Variants in CPLANE1 observed in about 807,000 individuals in gnomAD.
CPLANE1 encodes ciliogenesis and planar polarity effector complex subunit 1, also known as ciliogenesis and planar polarity effector 1.
In CPLANE1, 263 loss-of-function variants were observed where a neutral mutation model predicts 362.5. The ratio of observed to expected loss-of-function variants is 0.73; its 90% CI spans 0.66 to 0.80. The LOEUF (loss-of-function observed/expected upper bound fraction) is 0.80. Among genes scored for constraint, CPLANE1 ranks in the 30% least tolerant of loss-of-function variants. The probability of loss-of-function intolerance (pLI) is 0.00; values close to 1 mark genes in which losing one functional copy is unlikely to be tolerated. For synonymous variants in CPLANE1, 1,212 were observed against 1,302.6 expected (o/e 0.93, Z 1.50); for missense variants, 3,461 against 3,793.4 (o/e 0.91, Z 2.30).
At chr5:37,188,331 C>T (rs912038844) in intron 21 of CPLANE1, among the ~76,000 whole-genome samples, 1 of 152,194 alleles carries the variant, frequency 6.6e-6, no homozygotes, top group African/African-American at 2.4e-5. Context: ...CACTCTTCTG[C>T]TAATCTTAAA....
Position 37,143,936 on chromosome 5 carries a change from GAA to G in CPLANE1, c.8462-1458_8462-1457del, listed in dbSNP as rs10715136. Among the ~76,000 whole-genome samples the G allele has an allele frequency of 8.7e-4, 110 of 125,986 alleles. 2 individuals are homozygous for G. The highest frequency in any genetic ancestry group is 1.3e-3 in the Admixed American group (16 of 12,346). The allele number at this position is 125,986 out of a possible 152,430, so 82.7% of individuals were successfully genotyped here. On this transcript the variant is annotated intron_variant, in intron 43 of 52. Transcript: ENST00000651892. ...GACAACAAGAGCAAAACTCTGTCTC[GAA>G]AAAAAAAAAAAAAAGATATAAGGAA...
chr5:37,098,326 G>A, the CPLANE1 span, among the ~76,000 whole-genome samples: 4 of 144,628 alleles, frequency 2.8e-5, no homozygotes, highest in African/African-American at 1.1e-4. Context: ...GGGAGGCGGA[G>A]GTTGCAGTGA....
At chr5:37,095,376 C>T in the CPLANE1 span, among the ~76,000 whole-genome samples, 38 of 152,164 alleles carry the variant, frequency 2.5e-4, no homozygotes, top group African/African-American at 9.1e-4. Flanking sequence ...TTCGACAAAA[C>T]CCAGCATCAC....
At chr5:37,086,104 G>T in the CPLANE1 span, among the ~76,000 whole-genome samples, 1 of 152,076 alleles carries the variant, frequency 6.6e-6, no homozygotes, top group Admixed American at 6.6e-5. Context: ...CAATAATAGT[G>T]GGGGACTTCA....
chr5:37,151,131 C>T (rs753539588), intron 42 of CPLANE1, among the ~76,000 whole-genome samples: 4 of 152,174 alleles, frequency 2.6e-5, no homozygotes, highest in African/African-American at 4.8e-5. Flanking sequence ...CCTCTCCTAC[C>T]TCTACTGCCA....
At chr5:37,117,029 C>T (rs1192282033) in intron 50 of CPLANE1, among the ~76,000 whole-genome samples, 1 of 152,142 alleles carries the variant, frequency 6.6e-6, no homozygotes, top group Non-Finnish European at 1.5e-5. Flanking sequence ...GTTAGAATAT[C>T]CACAAGCACT....
chr5:37,099,229 T>A, the CPLANE1 span, among the ~76,000 whole-genome samples: 2 of 152,304 alleles, frequency 1.3e-5, no homozygotes, highest in African/African-American at 4.8e-5. Context: ...GATCATCCCA[T>A]CACCTAGATA....
chr5:37,205,095 T>G, intron 18 of CPLANE1: 1 of 264,442 alleles, frequency 3.8e-6, no homozygotes, highest in African/African-American at 2.2e-5. Flanking sequence ...AGGTAGAGTT[T>G]GCAGTGAGCT....
the CPLANE1 span, among the ~76,000 whole-genome samples, chr5:37,092,009 A>G: frequency 6.6e-6 from 1 of 152,174 alleles, no homozygotes; most frequent in Non-Finnish European, 1.5e-5. Flanking sequence ...GTTCCTTGCT[A>G]TGCTCTCTGT....
At chr5:37,139,885 C>A (rs1769142545) in intron 44 of CPLANE1, 13 of 985,570 alleles carry the variant, frequency 1.3e-5, no homozygotes, top group African/African-American at 1.7e-5. Flanking sequence ...CCTGAGTACT[C>A]AGTGTAATAT....
intron 16 of CPLANE1, chr5:37,210,035 T>C (rs1247298425): frequency 4.9e-6 from 4 of 809,914 alleles, no homozygotes; most frequent in South Asian, 1.5e-5. Flanking sequence ...TTTTTAAAGA[T>C]ACCGAAATAG....
chr5:37,201,499 T>G, intron 19 of CPLANE1, 92 bp downstream of exon 19: 1 of 1,075,372 alleles, frequency 9.3e-7, no homozygotes, highest in African/African-American at 1.6e-5. Flanking sequence ...GAGCTTGAAT[T>G]TTTAACCTGA....
intron 32 of CPLANE1, among the ~76,000 whole-genome samples, chr5:37,172,443 T>C (rs1409465959): frequency 6.6e-6 from 1 of 152,184 alleles, no homozygotes; most frequent in African/African-American, 2.4e-5. Flanking sequence ...TAATCTTTTG[T>C]GTGCATCAGA....
chr5:37,209,634 CT>C lies in CPLANE1; in HGVS notation c.2921-3210del. 2 of 1,430,680 alleles carry C rather than the reference CT, an allele frequency of 1.4e-6. No individual in the cohort carries two copies. Among genetic ancestry groups the C allele is most frequent in the African/African-American group, 1.4e-5 (1 of 71,274 alleles). The allele number at this position is 1,430,680 out of a possible 1,614,324, so 88.6% of individuals were successfully genotyped here. A position where few individuals can be genotyped will look rare whatever the true frequency, so the allele number is the denominator to read the frequency against. On this transcript the variant is annotated intron_variant, in intron 16 of 52. Transcript: ENST00000651892. This position sits in a 1 kb window ranked among gnomAD's most constrained non-coding sequence, Gnocchi z 4.6. ...ACAAAGATGTGGCTGTGAATATTCA[CT>C]TTCTGTTTTCTTTCTAGAAAGTGGT...
chr5:37,110,195 A>G (rs1038767461), intron 51 of CPLANE1, among the ~76,000 whole-genome samples: 1 of 152,044 alleles, frequency 6.6e-6, no homozygotes, highest in Non-Finnish European at 1.5e-5. Context: ...TCTCAAGTAA[A>G]ATCCAAACTC....
At chr5:37,193,124 A>C (rs1054496610) in intron 21 of CPLANE1, among the ~76,000 whole-genome samples, 1 of 147,996 alleles carries the variant, frequency 6.8e-6, no homozygotes, top group Non-Finnish European at 1.5e-5. Flanking sequence ...GAGATTGTGC[A>C]TGCCACTGCA....
At chr5:37,213,277 C>T (rs1321895033) in intron 16 of CPLANE1, among the ~76,000 whole-genome samples, 1 of 152,096 alleles carries the variant, frequency 6.6e-6, no homozygotes, top group Admixed American at 6.6e-5. Flanking sequence ...AAAATTCCAT[C>T]TCTAAAAAGA....
intron 16 of CPLANE1, chr5:37,211,390 T>G: frequency 6.6e-7 from 1 of 1,518,106 alleles, no homozygotes; most frequent in East Asian, 2.3e-5. Flanking sequence ...CTGCACTTGC[T>G]GGAAGCCTTC....
At chr5:37,171,782 CTCT>C (rs1779876375) in intron 32 of CPLANE1, among the ~76,000 whole-genome samples, 1 of 144,484 alleles carries the variant, frequency 6.9e-6, no homozygotes, top group African/African-American at 2.7e-5. Context: ...CTCTCTCTCT[CTCT>C]ATCTATCTAT....
Sources: gnomAD v4.1 joint callset for allele counts (sites outside exome capture counted in the v4.1 genomes callset) on GRCh38, gnomAD v4.1.1 for gene constraint, Gnocchi (gnomAD v3.1) non-coding constraint, MANE v1.5 for transcripts, NCBI Gene and HGNC (gene_info 2026-07-23, HGNC 2026-07-21) for gene names.